INPP4B: variants seen among roughly 807,000 people sequenced by gnomAD.
The protein encoded by INPP4B is inositol polyphosphate 4-phosphatase type II.
Under a neutral mutation model 122.5 loss-of-function variants are expected in INPP4B, and 55 were observed. The observed-to-expected ratio is 0.45, with a 90% CI of 0.36 to 0.56. INPP4B has a LOEUF of 0.56. Among genes scored for constraint, INPP4B ranks in the 20% least tolerant of loss-of-function variants. INPP4B has a pLI of 0.00. For missense variants in INPP4B, 1,000 were observed against 1,097.7 expected (o/e 0.91, Z 1.26); for synonymous variants, 403 against 388.7 (o/e 1.04, Z -0.43).
In INPP4B at chr4:142,082,043, T is replaced by C; in HGVS notation, c.2630A>G (p.Asp877Gly). The stretch of plus-strand genomic sequence containing the variant: ...ACATGTGAGATACCTTCTCATGCAA[T>C]CCAGCGCTCGGATAAAGAAGTCCTT... ...LHKDFFIRAL[D>G]CMRREGCRIE... The change falls in exon 25 of 26, where the codon GAT becomes GGT. Residue 877 changes from aspartate (D) to glycine (G), a missense_variant. Physicochemically the swap from Asp to Gly is moderately conservative, Grantham distance 94. Coordinates refer to ENST00000262992, the MANE Select transcript of INPP4B (RefSeq NM_001101669.3). The C allele has an allele frequency of 6.9e-7, 1 of 1,459,786 alleles. No individual in the cohort carries two copies. Among genetic ancestry groups the C allele is most frequent in the Non-Finnish European group, 9.2e-7 (1 of 1,082,150 alleles). The allele number at this position is 1,459,786 out of a possible 1,614,324, so 90.4% of individuals were successfully genotyped here. A position where few individuals can be genotyped will look rare whatever the true frequency, so the allele number is the denominator to read the frequency against.
chr4:142,597,177 T>C (rs753527554), intron 2 of INPP4B, among the ~76,000 whole-genome samples: 3 of 152,210 alleles, frequency 2.0e-5, no homozygotes, highest in Admixed American at 2.0e-4. Flanking sequence ...AGGACTATCT[T>C]ACCCCCGGAA....
intron 2 of INPP4B, among the ~76,000 whole-genome samples, chr4:142,480,394 T>C (rs1255759260): frequency 2.0e-5 from 3 of 152,142 alleles, no homozygotes; most frequent in Non-Finnish European, 4.4e-5. Context: ...CCCACCACAC[T>C]GCAGACAGGT....
intron 2 of INPP4B, among the ~76,000 whole-genome samples, chr4:142,615,483 G>C (rs1353704805): frequency 6.6e-6 from 1 of 152,148 alleles, no homozygotes; most frequent in Non-Finnish European, 1.5e-5. Flanking sequence ...AAGGAAGTCT[G>C]TTAACCAATA....
chr4:142,494,438 G>A (rs1316491931), intron 2 of INPP4B, among the ~76,000 whole-genome samples: 1 of 152,050 alleles, frequency 6.6e-6, no homozygotes. Flanking sequence ...GATTTCTTGT[G>A]TTCTTCATTC....
chr4:142,153,972 A>C (rs1321562554), intron 17 of INPP4B, among the ~76,000 whole-genome samples: 1 of 152,186 alleles, frequency 6.6e-6, no homozygotes, highest in Non-Finnish European at 1.5e-5. Context: ...TTAATATTGG[A>C]TAAGTATTCA....
intron 7 of INPP4B, among the ~76,000 whole-genome samples, chr4:142,360,887 T>C (rs908803818): frequency 1.3e-5 from 2 of 151,980 alleles, no homozygotes; most frequent in Non-Finnish European, 1.5e-5. Flanking sequence ...GTACTTTTGT[T>C]GTAAGAGCTG....
At chr4:142,555,524 C>T (rs1034810940) in intron 2 of INPP4B, among the ~76,000 whole-genome samples, 25 of 152,042 alleles carry the variant, frequency 1.6e-4, no homozygotes, top group African/African-American at 6.0e-4. Context: ...TATACAGACT[C>T]CAGAGCTAAC....
intron 1 of INPP4B, among the ~76,000 whole-genome samples, chr4:142,749,080 T>C (rs1769231886): frequency 6.6e-6 from 1 of 151,136 alleles, no homozygotes; most frequent in Admixed American, 6.6e-5. Flanking sequence ...GAGAAGTTGC[T>C]GTTAGCCAAG....
intron 14 of INPP4B, among the ~76,000 whole-genome samples, chr4:142,200,843 G>A (rs936987596): frequency 6.6e-6 from 1 of 151,990 alleles, no homozygotes; most frequent in African/African-American, 2.4e-5. Context: ...CTCACAGCTA[G>A]CAGAAGTGTA....
chr4:142,788,946 A>C (rs2151056729), intron 1 of INPP4B, among the ~76,000 whole-genome samples: 1 of 152,270 alleles, frequency 6.6e-6, no homozygotes, highest in South Asian at 2.1e-4. Flanking sequence ...AGTCAATAAA[A>C]GTTGATACAT....
At chr4:142,288,306 C>A (rs1579607470) in intron 9 of INPP4B, among the ~76,000 whole-genome samples, 1 of 152,142 alleles carries the variant, frequency 6.6e-6, no homozygotes, top group Non-Finnish European at 1.5e-5. Flanking sequence ...ATTACTAGGC[C>A]GGGCGTGTTG....
intron 25 of INPP4B, among the ~76,000 whole-genome samples, chr4:142,065,988 T>G (rs1763326797): frequency 6.6e-6 from 1 of 152,198 alleles, no homozygotes. Flanking sequence ...CTTGGATTTT[T>G]GGGAAGCTTC....
intron 2 of INPP4B, among the ~76,000 whole-genome samples, chr4:142,519,286 C>T (rs1280693010): frequency 2.6e-5 from 4 of 152,108 alleles, no homozygotes; most frequent in Non-Finnish European, 5.9e-5. Context: ...TTTCCTCATA[C>T]AAGAAATTAT....
chr4:142,679,100 T>A (rs550290902), intron 2 of INPP4B, among the ~76,000 whole-genome samples: 49 of 152,002 alleles, frequency 3.2e-4, no homozygotes, highest in African/African-American at 1.1e-3. Context: ...CAATTAGCTA[T>A]CCAGACCCCT....
chr4:142,552,768 A>C (rs1580352202), intron 2 of INPP4B, among the ~76,000 whole-genome samples: 1 of 152,204 alleles, frequency 6.6e-6, no homozygotes, highest in East Asian at 1.9e-4. Flanking sequence ...ACAGGTAGGA[A>C]TAATTGTCAT....
intron 2 of INPP4B, among the ~76,000 whole-genome samples, chr4:142,666,611 A>T (rs1210328578): frequency 3.9e-5 from 6 of 152,272 alleles, no homozygotes; most frequent in African/African-American, 1.4e-4. Context: ...CTTGAAAATT[A>T]AAATTTTTAA....
chr4:142,382,172 A>G (rs533361638), intron 7 of INPP4B, among the ~76,000 whole-genome samples: 2 of 152,306 alleles, frequency 1.3e-5, no homozygotes, highest in East Asian at 3.9e-4. Flanking sequence ...ACAGAAATGT[A>G]TTCCCATCTG....
chr4:142,833,387 C>A (rs1782404307), intron 1 of INPP4B, among the ~76,000 whole-genome samples: 1 of 151,834 alleles, frequency 6.6e-6, no homozygotes, highest in Non-Finnish European at 1.5e-5. Context: ...ACCCACATCA[C>A]CCAAGATGAA....
At position 142,123,293 on chromosome 4, in the gene INPP4B, G is replaced by A; in HGVS notation, c.2016C>T (p.Tyr672=). Reference sequence around the variant, plus strand: ...AACTTGTACTAAAGCAATACTCACTGTATGTACTTAGCAGTCCTTCATATT... The same window carrying A: ...AACTTGTACTAAAGCAATACTCACTATATGTACTTAGCAGTCCTTCATATT... ...IVQYEGLLST[Y]SDEIGMLEDM... is the part of the protein sequence containing the mutation. Residue 672 remains tyrosine, a splice_region_variant and synonymous_variant, in exon 20 of 26, where the codon TAC becomes TAT. Transcript: ENST00000262992. 1 of 1,606,952 alleles carries A rather than the reference G, an allele frequency of 6.2e-7. No homozygotes were observed. Among genetic ancestry groups the A allele is most frequent in the South Asian group, 1.1e-5 (1 of 89,604 alleles).
Sources: allele counts gnomAD v4.1 joint callset (sites outside exome capture counted in the v4.1 genomes callset), GRCh38; gene constraint gnomAD v4.1.1; transcripts MANE v1.5; gene names NCBI Gene and HGNC (gene_info 2026-07-23, HGNC 2026-07-21).